The following TBC1D22A variants were observed in gnomAD, a reference collection of about 807,000 sequenced individuals.
TBC1D22A encodes putative GTPase activator.
Under a neutral mutation model 60.2 loss-of-function variants are expected in TBC1D22A, and 38 were observed. The observed-to-expected ratio is 0.63, with a 90% confidence interval of 0.49 to 0.83. TBC1D22A has a LOEUF of 0.83. TBC1D22A is among the 40% of genes least tolerant of loss of function. The pLI, the probability that TBC1D22A is intolerant of heterozygous loss-of-function variation, is 0.00. For missense variants in TBC1D22A, 628 were observed against 701.0 expected (o/e 0.90, Z 1.18); for synonymous variants, 302 against 281.7 (o/e 1.07, Z -0.72).
chr22:47,111,908 C>T (rs1002451000), intron 12 of TBC1D22A, among the ~76,000 whole-genome samples: 2 of 152,192 alleles, frequency 1.3e-5, no homozygotes, highest in Non-Finnish European at 2.9e-5. Context: ...CTGCAGTGTG[C>T]GGCTTGTGAC....
chr22:47,096,802 G>GAA (rs2065196286), intron 11 of TBC1D22A, among the ~76,000 whole-genome samples: 1 of 152,120 alleles, frequency 6.6e-6, no homozygotes, highest in African/African-American at 2.4e-5. Context: ...AGCCTGGGTG[G>GAA]CAGAGCGAGA....
At chr22:46,768,564 T>A (rs2083377544) in intron 1 of TBC1D22A, among the ~76,000 whole-genome samples, 1 of 151,618 alleles carries the variant, frequency 6.6e-6, no homozygotes. Context: ...CCCGGGCCGC[T>A]GACTCTCTTG....
intron 8 of TBC1D22A, among the ~76,000 whole-genome samples, chr22:46,947,093 T>G (rs2072594295): frequency 1.3e-5 from 2 of 152,128 alleles, no homozygotes; most frequent in African/African-American, 4.8e-5. Flanking sequence ...CACACCGTTA[T>G]GTGGATGAGG....
chr22:47,091,351 G>A (rs35997082), intron 11 of TBC1D22A, among the ~76,000 whole-genome samples: 1 of 82,614 alleles, frequency 1.2e-5, no homozygotes, highest in African/African-American at 5.1e-5. Context: ...GTCGTCTTTG[G>A]GGGGAGTGGC....
intron 10 of TBC1D22A, among the ~76,000 whole-genome samples, chr22:47,008,460 C>T (rs1272008343): frequency 6.6e-6 from 1 of 152,204 alleles, no homozygotes; most frequent in Admixed American, 6.5e-5. Context: ...CTGCCTGGGA[C>T]CTGAACCAGG....
intron 12 of TBC1D22A, among the ~76,000 whole-genome samples, chr22:47,140,947 T>C (rs2067061619): frequency 6.6e-6 from 1 of 152,270 alleles, no homozygotes; most frequent in African/African-American, 2.4e-5. Flanking sequence ...AGGACCGCTC[T>C]GGCTTGTTAG....
chr22:46,847,968 C>T (rs1014774290), intron 4 of TBC1D22A, among the ~76,000 whole-genome samples: 5 of 130,362 alleles, frequency 3.8e-5, no homozygotes, highest in African/African-American at 8.6e-5. Flanking sequence ...CGCGCGCACG[C>T]GCTCTACACA....
Position 46,951,890 on chromosome 22 carries a change from C to T in TBC1D22A, c.1016-22400C>T, listed in dbSNP as rs78611073. Among the ~76,000 whole-genome samples the T allele has an allele frequency of 3.6e-3, 543 of 152,310 alleles. 3 individuals carry two copies. Among genetic ancestry groups the T allele is most frequent in the African/African-American group, 0.012 (483 of 41,572 alleles). ...ACCAGAGGCTCTGCATGAGGGGAGACGAGGAAGCAGGTGTACCTGGTCTCC... is the reference window on the plus strand; with the variant it reads ...ACCAGAGGCTCTGCATGAGGGGAGATGAGGAAGCAGGTGTACCTGGTCTCC... On this transcript the variant is annotated intron_variant, in intron 8 of 12. Coordinates refer to ENST00000337137, the MANE Select transcript of TBC1D22A (RefSeq NM_014346.5).
chr22:46,897,862 G>T (rs975438158), intron 7 of TBC1D22A, among the ~76,000 whole-genome samples: 1 of 151,628 alleles, frequency 6.6e-6, no homozygotes, highest in Non-Finnish European at 1.5e-5. Context: ...TTCAGTAAAG[G>T]CACGTTTAAA....
At chr22:46,982,771 G>A (rs941586689) in intron 9 of TBC1D22A, among the ~76,000 whole-genome samples, 5 of 152,230 alleles carry the variant, frequency 3.3e-5, no homozygotes, top group African/African-American at 1.2e-4. Flanking sequence ...TAAACTAGGT[G>A]GTGGCGGGAC....
chr22:47,153,479 G>C (rs536487940), intron 12 of TBC1D22A, among the ~76,000 whole-genome samples: 2 of 152,060 alleles, frequency 1.3e-5, no homozygotes, highest in Non-Finnish European at 2.9e-5. Flanking sequence ...GCCAGGAGAG[G>C]CTGCAGGCAG....
At chr22:46,773,945 C>CCAT (rs1426597082) in intron 1 of TBC1D22A, 86 of 985,370 alleles carry the variant, frequency 8.7e-5, no homozygotes, top group Admixed American at 1.2e-4. Flanking sequence ...GTGCCCTTAC[C>CCAT]CATCACAGCC....
chr22:46,794,294 C>T (rs1323103973), intron 3 of TBC1D22A, among the ~76,000 whole-genome samples: 1 of 152,234 alleles, frequency 6.6e-6, no homozygotes, highest in Non-Finnish European at 1.5e-5. Flanking sequence ...AGGCAGCTTA[C>T]AGGATTCCTG....
chr22:46,958,588 G>A (rs890517125), intron 8 of TBC1D22A, among the ~76,000 whole-genome samples: 3 of 152,164 alleles, frequency 2.0e-5, no homozygotes, highest in East Asian at 1.9e-4. Flanking sequence ...GCCAGCCTCC[G>A]TGTCTACTTG....
At chr22:46,987,669 A>G (rs1445323612) in intron 9 of TBC1D22A, among the ~76,000 whole-genome samples, 2 of 152,248 alleles carry the variant, frequency 1.3e-5, no homozygotes, top group Non-Finnish European at 2.9e-5. Context: ...GAAAATGCGA[A>G]TGATCATCTG....
rs200163466 is a variant in TBC1D22A, at chr22:46,912,109, C to T, written c.936C>T (p.Arg312=). The T allele has an allele frequency of 4.7e-5, 76 of 1,614,016 alleles. No homozygotes were observed. The highest frequency in any genetic ancestry group is 1.0e-4 in the Admixed American group (6 of 60,004). The part of the protein sequence containing the change: ...FERILFIWAI[R]HPASGYVQGI... Reference sequence around the variant, plus strand: ...GGATCTTGTTCATATGGGCGATCCGCCACCCAGCCAGTGGATACGTTCAGG... The same window carrying T: ...GGATCTTGTTCATATGGGCGATCCGTCACCCAGCCAGTGGATACGTTCAGG... The change falls in exon 8 of 13, where the codon CGC becomes CGT. Residue 312 remains arginine (R), a synonymous_variant. Transcript: ENST00000337137.
At chr22:47,165,866 C>T (rs1007969366) in intron 12 of TBC1D22A, among the ~76,000 whole-genome samples, 24 of 152,256 alleles carry the variant, frequency 1.6e-4, no homozygotes, top group Middle Eastern at 3.4e-3. Context: ...GGTTTCTCAC[C>T]AGGCTGCACA....
intron 4 of TBC1D22A, among the ~76,000 whole-genome samples, chr22:46,799,812 C>T (rs777341139): frequency 3.9e-5 from 6 of 152,200 alleles, no homozygotes; most frequent in African/African-American, 7.2e-5. Context: ...TGAAGGGATT[C>T]GTGTTCTCCT....
chr22:46,904,837 C>T (rs1339686320), intron 7 of TBC1D22A, among the ~76,000 whole-genome samples: 1 of 144,034 alleles, frequency 6.9e-6, no homozygotes, highest in East Asian at 2.1e-4. Context: ...TGCGGTGGCG[C>T]AATCTCAGCT....
Sources: allele counts gnomAD v4.1 joint callset (sites outside exome capture counted in the v4.1 genomes callset), GRCh38; gene constraint gnomAD v4.1.1; transcripts MANE v1.5; gene names NCBI Gene and HGNC (gene_info 2026-07-23, HGNC 2026-07-21).